The following MAST4 variants were observed in gnomAD, a reference collection of about 807,000 sequenced individuals.
MAST4 encodes microtubule associated serine/threonine kinase family member 4.
A neutral mutation model predicts 162.7 loss-of-function variants in MAST4; 89 were observed. That is an observed-to-expected ratio of 0.55 (90% CI 0.46 to 0.65). MAST4 has a LOEUF of 0.65. MAST4 is among the 30% of genes least tolerant of loss of function. The pLI is 0.00. For synonymous variants in MAST4, 1,479 were observed against 1,361.1 expected, an observed-to-expected ratio of 1.09 and a Z score of -1.91; for missense variants, 3,153 against 3,374.0, an observed-to-expected ratio of 0.93 and a Z score of 1.62.
intron 1 of MAST4, among the ~76,000 whole-genome samples, chr5:66,705,122 T>A (rs1290422910): frequency 1.3e-5 from 2 of 152,226 alleles, no homozygotes; most frequent in Non-Finnish European, 2.9e-5. Flanking sequence ...CCGTAAGCCA[T>A]CTCTAGAGAG....
intron 5 of MAST4, among the ~76,000 whole-genome samples, chr5:67,057,983 T>C (rs1397831489): frequency 6.6e-6 from 1 of 150,540 alleles, no homozygotes; most frequent in Non-Finnish European, 1.5e-5. Context: ...GTCACACTTG[T>C]GATTGCAGCA....
At chr5:67,071,491 G>A (rs1382798085) in intron 5 of MAST4, among the ~76,000 whole-genome samples, 3 of 152,076 alleles carry the variant, frequency 2.0e-5, no homozygotes, top group East Asian at 1.9e-4. Context: ...GGTGGCTCAC[G>A]CCTGTAATCC....
intron 3 of MAST4, among the ~76,000 whole-genome samples, chr5:66,836,542 C>T (rs1016134546): frequency 2.0e-5 from 3 of 152,066 alleles, no homozygotes; most frequent in Non-Finnish European, 2.9e-5. Context: ...TGGAATCAAC[C>T]TAAATGCCCA....
chr5:66,727,478 G>C (rs919183156), intron 1 of MAST4, among the ~76,000 whole-genome samples: 2 of 152,148 alleles, frequency 1.3e-5, no homozygotes, highest in African/African-American at 4.8e-5. Flanking sequence ...TTGTGGTCCA[G>C]TGTATCCAGA....
intron 19 of MAST4, among the ~76,000 whole-genome samples, chr5:67,140,241 C>T (rs779275385): frequency 6.6e-5 from 10 of 152,328 alleles, no homozygotes; most frequent in Non-Finnish European, 1.3e-4. Context: ...CTTTCCCTAC[C>T]CAACACCCGC....
intron 4 of MAST4, among the ~76,000 whole-genome samples, chr5:66,909,811 A>C (rs569620552): frequency 2.0e-5 from 3 of 152,298 alleles, no homozygotes; most frequent in African/African-American, 7.2e-5. Context: ...AATGATGAAG[A>C]TAGCTTCCCC....
chr5:67,166,256 T>G lies in MAST4; in HGVS notation c.7077T>G (p.Ser2359Arg). 1 of 1,552,608 alleles carries G rather than the reference T, an allele frequency of 6.4e-7. No homozygotes were observed. Among genetic ancestry groups the G allele is most frequent in the Non-Finnish European group, 8.7e-7 (1 of 1,147,650 alleles). The change falls in exon 29 of 29, where the codon AGT (serine) becomes AGG (arginine). Residue 2359 changes from serine to arginine, a missense_variant. Physicochemically the swap from Ser to Arg is moderately radical, Grantham distance 110 (BLOSUM62 -1). Coordinates refer to ENST00000403625, the MANE Select transcript of MAST4 (RefSeq NM_001164664.2). The stretch of plus-strand genomic sequence containing the variant: ...ACAGACAGACAGACAAAAGCCCGAG[T>G]CAGCCGGCCGCCAACACCGACAGAA... ...TDNRQTDKSPSQPAANTDRRA... is the reference protein window; with the variant it reads ...TDNRQTDKSPRQPAANTDRRA...
chr5:66,960,388 G>A (rs1183725209), intron 4 of MAST4, among the ~76,000 whole-genome samples: 1 of 152,192 alleles, frequency 6.6e-6, no homozygotes, highest in Non-Finnish European at 1.5e-5. Flanking sequence ...AAAAGTTAGA[G>A]GGCTCTCACA....
intron 3 of MAST4, among the ~76,000 whole-genome samples, chr5:66,863,940 A>T (rs1434849199): frequency 6.6e-6 from 1 of 152,192 alleles, no homozygotes; most frequent in Non-Finnish European, 1.5e-5. Context: ...ATTCTTCTCA[A>T]GCCACCCAGT....
At chr5:66,656,593 A>C (rs1285641852) in intron 1 of MAST4, among the ~76,000 whole-genome samples, 3 of 152,122 alleles carry the variant, frequency 2.0e-5, no homozygotes, top group African/African-American at 7.2e-5. Flanking sequence ...GGGACTCTAG[A>C]TTCGATTAAA....
chr5:67,156,078 A>C (rs867529114), intron 26 of MAST4, among the ~76,000 whole-genome samples: 2 of 151,816 alleles, frequency 1.3e-5, no homozygotes, highest in South Asian at 4.2e-4. Context: ...AAAAAAAAAA[A>C]GACACGTAAG....
At chr5:66,806,731 C>G (rs900848463) in intron 3 of MAST4, among the ~76,000 whole-genome samples, 5 of 152,172 alleles carry the variant, frequency 3.3e-5, no homozygotes, top group African/African-American at 1.2e-4. Flanking sequence ...TTCTTAACAT[C>G]TTTAAGCATA....
intron 3 of MAST4, among the ~76,000 whole-genome samples, chr5:66,839,965 A>AT (rs1035241298): frequency 8.2e-4 from 121 of 148,210 alleles, no homozygotes; most frequent in Admixed American, 2.5e-3. Flanking sequence ...CATATTGACA[A>AT]TTTTTTTTTT....
At chr5:66,965,894 T>A (rs1746668928) in intron 4 of MAST4, among the ~76,000 whole-genome samples, 1 of 152,178 alleles carries the variant, frequency 6.6e-6, no homozygotes, top group Admixed American at 6.5e-5. Flanking sequence ...ACGTACCTTA[T>A]CAATATTAAG....
chr5:67,132,836 C>A (rs536640684), intron 16 of MAST4, among the ~76,000 whole-genome samples: 3 of 152,198 alleles, frequency 2.0e-5, no homozygotes, highest in East Asian at 1.9e-4. Flanking sequence ...GAAAAAAATT[C>A]ATCTGCAGTA....
intron 5 of MAST4, among the ~76,000 whole-genome samples, chr5:67,079,326 AT>A (rs1762331574): frequency 6.6e-6 from 1 of 152,186 alleles, no homozygotes; most frequent in Non-Finnish European, 1.5e-5. Context: ...GTTATAGATA[AT>A]TAAAAAATAG....
At chr5:66,704,419 A>G (rs1228353153) in intron 1 of MAST4, among the ~76,000 whole-genome samples, 2 of 151,588 alleles carry the variant, frequency 1.3e-5, no homozygotes, top group African/African-American at 2.4e-5. Context: ...TGACCTGACC[A>G]TAGAGCTGCT....
chr5:66,700,629 A>G (rs959713594), intron 1 of MAST4, among the ~76,000 whole-genome samples: 1 of 152,042 alleles, frequency 6.6e-6, no homozygotes, highest in African/African-American at 2.4e-5. Context: ...GGTTGCAGTG[A>G]GCCGAGATCA....
At chr5:66,957,899 G>A (rs192735958) in intron 4 of MAST4, among the ~76,000 whole-genome samples, 4 of 152,256 alleles carry the variant, frequency 2.6e-5, no homozygotes, top group African/African-American at 9.6e-5. Context: ...CCTTGCCCAG[G>A]GCACAACCTG....
Sources: gnomAD v4.1 joint callset for allele counts (sites outside exome capture counted in the v4.1 genomes callset) on GRCh38, gnomAD v4.1.1 for gene constraint, MANE v1.5 for transcripts, NCBI Gene and HGNC (gene_info 2026-07-23, HGNC 2026-07-21) for gene names.